The following LOC400499 variants were observed in gnomAD, a reference collection of about 807,000 sequenced individuals.
the LOC400499 span, chr16:11,493,663 C>G: frequency 2.5e-6 from 1 of 397,480 alleles, no homozygotes; most frequent in Non-Finnish European, 4.4e-6. Context: ...GCAGGGGACC[C>G]TTCGGAAGGC....
the LOC400499 span, among the ~76,000 whole-genome samples, chr16:11,406,442 TTCC>T: frequency 6.6e-6 from 1 of 152,212 alleles, no homozygotes; most frequent in South Asian, 2.1e-4. Flanking sequence ...TTTTCTTTTC[TTCC>T]TTTTGAGATG....
chr16:11,407,259 G>T, the LOC400499 span: 1 of 398,998 alleles, frequency 2.5e-6, no homozygotes, highest in East Asian at 3.6e-5. Flanking sequence ...GCAGCTACCT[G>T]CCGGGTGCTG....
the LOC400499 span, chr16:11,493,735 G>A: frequency 5.1e-6 from 2 of 395,910 alleles, no homozygotes; most frequent in Non-Finnish European, 4.4e-6. Context: ...GGCACTCAAC[G>A]TAGGGGTGAG....
the LOC400499 span, among the ~76,000 whole-genome samples, chr16:11,526,764 T>C: frequency 1.8e-4 from 28 of 152,144 alleles, no homozygotes; most frequent in African/African-American, 6.5e-4. Flanking sequence ...CAAGTTGGAG[T>C]GCAGTGGCAT....
the LOC400499 span, among the ~76,000 whole-genome samples, chr16:11,390,855 C>T: frequency 6.6e-6 from 1 of 152,220 alleles, no homozygotes; most frequent in African/African-American, 2.4e-5. Flanking sequence ...CCAATAAAAA[C>T]CCTGGGTGCT....
chr16:11,505,445 C>CTTTTT, the LOC400499 span, among the ~76,000 whole-genome samples: 275 of 71,968 alleles, frequency 3.8e-3, 3 homozygotes, highest in Middle Eastern at 0.016. Context: ...TTTTTCTTTT[C>CTTTTT]TTTTTTTTTT....
the LOC400499 span, among the ~76,000 whole-genome samples, chr16:11,486,090 G>A: frequency 3.3e-4 from 49 of 149,170 alleles, 1 homozygote; most frequent in Admixed American, 3.0e-3. Context: ...ATGGATGGAT[G>A]GACGGATAGA....
At chr16:11,515,527 A>G in the LOC400499 span, among the ~76,000 whole-genome samples, 8 of 149,864 alleles carry the variant, frequency 5.3e-5, no homozygotes, top group African/African-American at 1.3e-4. Context: ...ACATACGTAC[A>G]TACATACATA....
At chr16:11,509,476 T>C in the LOC400499 span, among the ~76,000 whole-genome samples, 9 of 151,696 alleles carry the variant, frequency 5.9e-5, no homozygotes, top group Non-Finnish European at 7.4e-5. Flanking sequence ...CTTGTAAAGA[T>C]CTCCAAGCCA....
At chr16:11,379,400 C>CTGTT in the LOC400499 span, among the ~76,000 whole-genome samples, 506 of 152,338 alleles carry the variant, frequency 3.3e-3, 3 homozygotes, top group African/African-American at 0.012. Context: ...GGTGAATTGA[C>CTGTT]TGTTATCATT....
chr16:11,523,177 C>A, the LOC400499 span, among the ~76,000 whole-genome samples: 11 of 152,330 alleles, frequency 7.2e-5, no homozygotes, highest in African/African-American at 2.6e-4. Flanking sequence ...GAAGAGGAAG[C>A]CTTGGGGGCT....
chr16:11,516,864 C>T, the LOC400499 span, among the ~76,000 whole-genome samples: 1 of 152,174 alleles, frequency 6.6e-6, no homozygotes, highest in East Asian at 1.9e-4. Context: ...CCAGGCTGAT[C>T]TCAAACTCCT....
chr16:11,386,682 C>T, the LOC400499 span, among the ~76,000 whole-genome samples: 3 of 152,240 alleles, frequency 2.0e-5, no homozygotes, highest in Non-Finnish European at 4.4e-5. Context: ...CCTGGCCACA[C>T]AGCATTTCAT....
the LOC400499 span, chr16:11,521,921 C>T: frequency 2.3e-5 from 9 of 399,026 alleles, no homozygotes; most frequent in East Asian, 3.6e-5. Flanking sequence ...CCAGCATCAA[C>T]GTGATCTCCC....
the LOC400499 span, among the ~76,000 whole-genome samples, chr16:11,509,386 G>A: frequency 1.3e-5 from 2 of 150,872 alleles, no homozygotes; most frequent in African/African-American, 4.9e-5. Flanking sequence ...CCAAAGTGCT[G>A]GGATTACAGG....
At chr16:11,499,538 G>C in the LOC400499 span, among the ~76,000 whole-genome samples, 2 of 152,062 alleles carry the variant, frequency 1.3e-5, no homozygotes, top group Non-Finnish European at 2.9e-5. Flanking sequence ...CTGCTGAGCA[G>C]AGCCAACAAC....
At chr16:11,497,727 A>G in the LOC400499 span, among the ~76,000 whole-genome samples, 1 of 152,200 alleles carries the variant, frequency 6.6e-6, no homozygotes, top group Non-Finnish European at 1.5e-5. Flanking sequence ...GGTTCTGTGT[A>G]TGGCTGCCCG....
At chr16:11,503,212 C>T in the LOC400499 span, among the ~76,000 whole-genome samples, 42 of 151,828 alleles carry the variant, frequency 2.8e-4, no homozygotes, top group East Asian at 7.9e-3. Context: ...ATCGCGCCCA[C>T]CCTTTTCCAA....
chr16:11,384,800 T>C, the LOC400499 span: 1 of 1,152,484 alleles, frequency 8.7e-7, no homozygotes. Context: ...GCATGCACGG[T>C]AGCCCCCTGC....
Sources: gnomAD v4.1 joint callset for allele counts (sites outside exome capture counted in the v4.1 genomes callset) on GRCh38, gnomAD v4.1.1 for gene constraint, MANE v1.5 for transcripts.